The following CDH2 variants were observed in gnomAD, a reference collection of about 807,000 sequenced individuals.
CDH2 encodes the protein cadherin-2.
Under a neutral mutation model 92.0 loss-of-function variants are expected in CDH2, and 17 were observed. The ratio of observed to expected loss-of-function variants is 0.18; its 90% confidence interval spans 0.13 to 0.28. CDH2 has a LOEUF of 0.28. Among genes scored for constraint, CDH2 ranks in the 10% least tolerant of loss-of-function variants. CDH2 has a pLI of 1.00. For synonymous variants in CDH2, 419 were observed against 415.9 expected (o/e 1.01, Z -0.09); for missense variants, 862 against 1,133.1 (o/e 0.76, Z 3.44).
chr18:28,169,986 TTCAA>T (rs767527146), intron 1 of CDH2, among the ~76,000 whole-genome samples: 9 of 152,218 alleles, frequency 5.9e-5, no homozygotes, highest in African/African-American at 9.6e-5. Flanking sequence ...AAGTTAAACA[TTCAA>T]TCAGTCAGGA....
chr18:27,960,919 C>A (rs2011385109), intron 15 of CDH2, among the ~76,000 whole-genome samples: 1 of 151,782 alleles, frequency 6.6e-6, no homozygotes, highest in African/African-American at 2.4e-5. Context: ...AAAGAAAATT[C>A]CAAATGGAAA....
intron 2 of CDH2, among the ~76,000 whole-genome samples, chr18:28,087,416 T>A (rs553543428): frequency 1.3e-5 from 2 of 152,246 alleles, no homozygotes; most frequent in South Asian, 4.1e-4. Flanking sequence ...CTTCCTCTCT[T>A]ATGCCAGAGC....
chr18:27,992,457 G>C (rs1335317408), intron 9 of CDH2, among the ~76,000 whole-genome samples, 198 bp downstream of exon 9: 1 of 152,196 alleles, frequency 6.6e-6, no homozygotes. Flanking sequence ...GTGATGATGT[G>C]AGAGTACTGA....
intron 8 of CDH2, 102 bp downstream of exon 8, chr18:27,993,398 G>T: frequency 8.5e-7 from 1 of 1,174,714 alleles, no homozygotes; most frequent in Non-Finnish European, 1.2e-6. Context: ...ACTATTAGGT[G>T]AAGCAAGTTC....
At chr18:28,080,454 G>T (rs2014807617) in intron 2 of CDH2, among the ~76,000 whole-genome samples, 1 of 152,040 alleles carries the variant, frequency 6.6e-6, no homozygotes, top group Non-Finnish European at 1.5e-5. Flanking sequence ...AAATTTTGAG[G>T]TTGTGAGATG....
chr18:27,950,338 C>T (rs1007200235), downstream of CDH2, among the ~76,000 whole-genome samples: 8 of 152,058 alleles, frequency 5.3e-5, no homozygotes, highest in Non-Finnish European at 1.2e-4. Context: ...ATTCCTTTGC[C>T]TCTTAAAATT....
At chr18:27,939,212 A>G (rs1429348588) in intron 6 of CDH2, among the ~76,000 whole-genome samples, 1 of 152,146 alleles carries the variant, frequency 6.6e-6, no homozygotes, top group Middle Eastern at 3.2e-3. Flanking sequence ...ATGTTCTTCC[A>G]TAGATGAACT....
intron 2 of CDH2, among the ~76,000 whole-genome samples, chr18:28,135,887 C>A (rs912120695): frequency 1.4e-4 from 21 of 152,158 alleles, no homozygotes; most frequent in African/African-American, 3.4e-4. Flanking sequence ...ATGATTGCCA[C>A]AAATTATGCA....
chr18:27,940,240 C>T (rs921008756), intron 6 of CDH2, among the ~76,000 whole-genome samples: 5 of 152,098 alleles, frequency 3.3e-5, no homozygotes, highest in Non-Finnish European at 7.3e-5. Context: ...ATATGGTTAC[C>T]AACTGTCTAA....
intron 6 of CDH2, among the ~76,000 whole-genome samples, chr18:27,944,164 A>C (rs1322236325): frequency 1.3e-5 from 2 of 152,210 alleles, no homozygotes; most frequent in Non-Finnish European, 2.9e-5. Context: ...ATAAAAAACT[A>C]TTAGAAAAAA....
intron 2 of CDH2, among the ~76,000 whole-genome samples, chr18:28,072,260 C>G (rs1169950051): frequency 6.6e-6 from 1 of 152,026 alleles, no homozygotes; most frequent in African/African-American, 2.4e-5. Flanking sequence ...ATAAAAAGCC[C>G]TTTCCTAATC....
At chr18:28,156,576 A>C (rs4068902) in intron 1 of CDH2, among the ~76,000 whole-genome samples, 1,806 of 84,422 alleles carry the variant, frequency 0.021, 96 homozygotes, top group Admixed American at 0.034. Context: ...CCAGGTACAG[A>C]ATGTCACCTT....
chr18:28,032,428 C>T (rs1197611357), intron 2 of CDH2, among the ~76,000 whole-genome samples: 1 of 152,064 alleles, frequency 6.6e-6, no homozygotes, highest in African/African-American at 2.4e-5. Flanking sequence ...GCACCCACTT[C>T]CTCATATCCA....
At chr18:28,141,745 A>G (rs1034027915) in intron 2 of CDH2, among the ~76,000 whole-genome samples, 72 of 152,112 alleles carry the variant, frequency 4.7e-4, no homozygotes, top group African/African-American at 1.7e-3. Context: ...CTTCCAATAG[A>G]TCATTAGCTC....
At chr18:28,151,138 C>G (rs746000223) in intron 1 of CDH2, among the ~76,000 whole-genome samples, 4 of 152,348 alleles carry the variant, frequency 2.6e-5, no homozygotes, top group Middle Eastern at 3.4e-3. Flanking sequence ...GAGCAGAATC[C>G]CCTTAGGGGG....
intron 14 of CDH2, among the ~76,000 whole-genome samples, chr18:27,982,027 A>G (rs1480720898): frequency 6.6e-6 from 1 of 152,198 alleles, no homozygotes; most frequent in African/African-American, 2.4e-5. Flanking sequence ...CCTGAATGCA[A>G]ACTCTGCATC....
intron 2 of CDH2, among the ~76,000 whole-genome samples, chr18:28,085,422 G>A (rs17446386): frequency 0.011 from 1,636 of 152,104 alleles, 25 homozygotes; most frequent in East Asian, 0.053. Flanking sequence ...CTGCACACGC[G>A]TGATTTTCCA....
chr18:28,086,755 T>C (rs1221270874), intron 2 of CDH2, among the ~76,000 whole-genome samples: 1 of 152,316 alleles, frequency 6.6e-6, no homozygotes, highest in East Asian at 1.9e-4. Context: ...TTCAGTATCC[T>C]CTGGTCTTGC....
At chr18:28,115,936 C>A (rs2015489670) in intron 2 of CDH2, among the ~76,000 whole-genome samples, 1 of 152,200 alleles carries the variant, frequency 6.6e-6, no homozygotes, top group East Asian at 1.9e-4. Context: ...GAAAAGCATT[C>A]ATTCAAACAT....
Sources: allele counts gnomAD v4.1 joint callset (sites outside exome capture counted in the v4.1 genomes callset), GRCh38; gene constraint gnomAD v4.1.1; transcripts MANE v1.5; gene names NCBI Gene and HGNC (gene_info 2026-07-23, HGNC 2026-07-21).